PCDHA6: variants seen among roughly 807,000 people sequenced by gnomAD.
The protein encoded by PCDHA6 is protocadherin alpha-6.
Under a neutral mutation model 60.3 loss-of-function variants are expected in PCDHA6, and 55 were observed. That is an observed-to-expected ratio of 0.91 (90% CI 0.73 to 1.14). PCDHA6 has a LOEUF of 1.14. Among genes scored for constraint, PCDHA6 ranks in the 50% most tolerant of loss-of-function variants. The probability of loss-of-function intolerance (pLI) is 0.00; values close to 1 mark genes in which losing one functional copy is unlikely to be tolerated. For synonymous variants in PCDHA6, 652 were observed against 557.9 expected, an observed-to-expected ratio of 1.17 and a Z score of -2.38; for missense variants, 1,327 against 1,256.5, an observed-to-expected ratio of 1.06 and a Z score of -0.85.
intron 1 of PCDHA6, chr5:140,929,034 C>T (rs561529051): frequency 2.5e-6 from 4 of 1,614,158 alleles, no homozygotes; most frequent in East Asian, 4.5e-5. Flanking sequence ...CAGGCTGTTG[C>T]GCTCAGAGCT....
At chr5:140,842,314 G>A (rs1777869139) in intron 1 of PCDHA6, 6 of 1,607,200 alleles carry the variant, frequency 3.7e-6, no homozygotes, top group Non-Finnish European at 5.1e-6. Flanking sequence ...CTCCCATGGC[G>A]GGTCATTGCA....
In PCDHA6 at chr5:141,006,613, A is replaced by G. The variant is rs543043401; in HGVS notation, c.2543-3014A>G. 2.0e-5 allele frequency among the ~76,000 whole-genome samples: 3 copies of G among 152,308 alleles called. No individual in the cohort carries two copies. In the South Asian group the frequency reaches 6.2e-4, roughly 32 times the overall value. Reference sequence around the variant, plus strand: ...AGCAAAAGTGGAAGCAGACTGAATAAGGAGACTATTGCTGCAATTCATATA... The same window carrying G: ...AGCAAAAGTGGAAGCAGACTGAATAGGGAGACTATTGCTGCAATTCATATA... On this transcript the variant is annotated intron_variant, in intron 3 of 3. Coordinates refer to ENST00000529310, the MANE Select transcript of PCDHA6 (RefSeq NM_018909.4).
chr5:140,949,335 C>T (rs1388078558), intron 1 of PCDHA6, among the ~76,000 whole-genome samples: 1 of 151,586 alleles, frequency 6.6e-6, no homozygotes, highest in Non-Finnish European at 1.5e-5. Flanking sequence ...TATTGTTATC[C>T]AGATTTTCTG....
At chr5:140,845,023 G>A (rs1554140814) in intron 1 of PCDHA6, among the ~76,000 whole-genome samples, 2 of 149,032 alleles carry the variant, frequency 1.3e-5, no homozygotes, top group African/African-American at 2.5e-5. Flanking sequence ...AATCATTTAT[G>A]GGCATATTTT....
chr5:140,928,959 T>C (rs782250969), intron 1 of PCDHA6: 1 of 1,613,980 alleles, frequency 6.2e-7, no homozygotes, highest in South Asian at 1.1e-5. Context: ...TTGCCTTGGC[T>C]TGTATTTCCT....
chr5:140,943,321 G>A (rs1012061757), intron 1 of PCDHA6, among the ~76,000 whole-genome samples: 4 of 150,454 alleles, frequency 2.7e-5, no homozygotes, highest in Non-Finnish European at 5.9e-5. Context: ...TAGCAATATT[G>A]TGTAGTATCC....
rs2150328350 is a variant in PCDHA6, at chr5:140,842,056, T to G, written c.2394+11571T>G. On this transcript the variant is annotated intron_variant, in intron 1 of 3. Transcript: ENST00000529310. ...ATAATGCTCCCACTTTCGAACAGTCTGAATACGAAGTAAGAATATTCGAAA... is the reference window on the plus strand; with the variant it reads ...ATAATGCTCCCACTTTCGAACAGTCGGAATACGAAGTAAGAATATTCGAAA... The G allele has an allele frequency of 3.7e-5, 59 of 1,613,726 alleles. 1 individual carries two copies. Among genetic ancestry groups the G allele is most frequent in the Non-Finnish European group, 4.6e-5 (54 of 1,179,870 alleles).
At chr5:140,895,454 G>T (rs1554186522) in intron 1 of PCDHA6, among the ~76,000 whole-genome samples, 1 of 151,918 alleles carries the variant, frequency 6.6e-6, no homozygotes, top group Non-Finnish European at 1.5e-5. Context: ...TGTGCTTATT[G>T]GTCATTTCTT....
intron 1 of PCDHA6, chr5:140,842,516 T>C (rs2150337808): frequency 1.2e-6 from 2 of 1,613,620 alleles, no homozygotes; most frequent in East Asian, 2.2e-5. Flanking sequence ...CAAGCTGGTG[T>C]CCACCTTCAA....
chr5:140,856,012 G>A lies in PCDHA6; in HGVS notation c.2394+25527G>A, dbSNP rs1158329125. 3 of 1,546,896 alleles carry A rather than the reference G, an allele frequency of 1.9e-6. No homozygotes were observed. The East Asian group carries it at 6.8e-5, about 35-fold the overall frequency. ...TCAGATCGTATGTGCGTTCTAGACC[G>A]CTGATTCGTCGATTTGTAAAACAAG... is the stretch of plus-strand genomic sequence containing the variant. On this transcript the variant is annotated intron_variant, in intron 1 of 3. Coordinates refer to ENST00000529310, the MANE Select transcript of PCDHA6 (RefSeq NM_018909.4).
chr5:140,858,618 C>T (rs781842612), intron 1 of PCDHA6: 2 of 1,160,992 alleles, frequency 1.7e-6, no homozygotes, highest in South Asian at 1.6e-5. Context: ...TTTTATCCTA[C>T]CCAGTGTGTC....
chr5:140,869,287 C>T, intron 1 of PCDHA6: 1 of 1,613,538 alleles, frequency 6.2e-7, no homozygotes, highest in Non-Finnish European at 8.5e-7. Context: ...GCTGGTGCAG[C>T]GCCTGTTCCG....
At chr5:140,910,619 C>T (rs1554194336) in intron 1 of PCDHA6, among the ~76,000 whole-genome samples, 1 of 152,226 alleles carries the variant, frequency 6.6e-6, no homozygotes, top group Non-Finnish European at 1.5e-5. Context: ...TAATCCACTC[C>T]ACCATCCCAA....
At chr5:140,859,014 A>G (rs983768098) in intron 1 of PCDHA6, 1 of 151,370 alleles carries the variant, frequency 6.6e-6, no homozygotes, top group Non-Finnish European at 1.5e-5. Flanking sequence ...AATCTTAGCA[A>G]TTAAGTTAAA....
chr5:140,991,139 G>GT (rs1563571112), intron 3 of PCDHA6, among the ~76,000 whole-genome samples: 3 of 152,126 alleles, frequency 2.0e-5, no homozygotes, highest in Non-Finnish European at 4.4e-5. Flanking sequence ...TAGTAAAAAT[G>GT]TTTTTTGCTC....
intron 1 of PCDHA6, chr5:140,856,650 G>A (rs2044132398): frequency 1.3e-6 from 2 of 1,598,026 alleles, no homozygotes; most frequent in African/African-American, 2.7e-5. Flanking sequence ...CTGCTGGATC[G>A]TGAAGAAAAT....
chr5:140,946,271 A>G (rs2093916351), intron 1 of PCDHA6, among the ~76,000 whole-genome samples: 1 of 152,058 alleles, frequency 6.6e-6, no homozygotes, highest in Non-Finnish European at 1.5e-5. Context: ...GCGAATTAAA[A>G]CCCCAATGAG....
chr5:140,973,606 G>A (rs1554235444), intron 1 of PCDHA6, among the ~76,000 whole-genome samples: 1 of 152,204 alleles, frequency 6.6e-6, no homozygotes, highest in African/African-American at 2.4e-5. Flanking sequence ...TTATGGCTGA[G>A]CTCTTCTCTG....
intron 1 of PCDHA6, chr5:140,834,377 A>C (rs1445346495): frequency 1.3e-6 from 2 of 1,562,428 alleles, no homozygotes; most frequent in Admixed American, 2.0e-5. Flanking sequence ...CAAGCCAATA[A>C]TTTGAAATGG....
Sources: allele counts gnomAD v4.1 joint callset (sites outside exome capture counted in the v4.1 genomes callset), GRCh38; gene constraint gnomAD v4.1.1; transcripts MANE v1.5; gene names NCBI Gene and HGNC (gene_info 2026-07-23, HGNC 2026-07-21).